Variants in PTPRO observed in about 807,000 individuals in gnomAD.
The protein encoded by PTPRO is protein tyrosine phosphatase receptor type O, also known as receptor-type tyrosine-protein phosphatase O.
In PTPRO, 62 loss-of-function variants were observed where a neutral mutation model predicts 145.2. That is an observed-to-expected ratio of 0.43 (90% CI 0.35 to 0.53). PTPRO has a LOEUF of 0.53. PTPRO is among the 20% of genes least tolerant of loss of function. The pLI is 0.01. For synonymous variants in PTPRO, 565 were observed against 514.7 expected (o/e 1.10, Z -1.32); for missense variants, 1,345 against 1,482.7 (o/e 0.91, Z 1.53).
intron 6 of PTPRO, among the ~76,000 whole-genome samples, chr12:15,506,015 C>T (rs1428793369): frequency 1.3e-5 from 2 of 152,066 alleles, no homozygotes; most frequent in African/African-American, 4.8e-5. Context: ...CAGTGACTTC[C>T]CCAAGTGTCA....
chr12:15,459,651 T>C (rs531615970), intron 1 of PTPRO, among the ~76,000 whole-genome samples: 2 of 152,340 alleles, frequency 1.3e-5, no homozygotes, highest in South Asian at 4.1e-4. Flanking sequence ...ACTGGGTTTA[T>C]GATGGGAACG....
At chr12:15,338,815 AG>A (rs1866862384) in intron 1 of PTPRO, among the ~76,000 whole-genome samples, 2 of 152,194 alleles carry the variant, frequency 1.3e-5, no homozygotes, top group Admixed American at 1.3e-4. Flanking sequence ...GTAGAGGAAA[AG>A]AATGGATGAA....
intron 1 of PTPRO, among the ~76,000 whole-genome samples, chr12:15,356,391 C>T (rs1937989483): frequency 6.6e-6 from 1 of 152,080 alleles, no homozygotes; most frequent in African/African-American, 2.4e-5. Flanking sequence ...ATTTTTTTCC[C>T]TAGATGCTCT....
chr12:15,570,640 T>C (rs750406561), intron 19 of PTPRO, among the ~76,000 whole-genome samples: 3 of 152,192 alleles, frequency 2.0e-5, no homozygotes, highest in Non-Finnish European at 4.4e-5. Context: ...TCAAAGAAAT[T>C]CAATTTGAAT....
intron 2 of PTPRO, among the ~76,000 whole-genome samples, chr12:15,488,008 T>A (rs1941925669): frequency 6.6e-6 from 1 of 152,262 alleles, no homozygotes; most frequent in South Asian, 2.1e-4. Flanking sequence ...TGAAATAGTG[T>A]GTCGCCTCTC....
At chr12:15,547,259 T>C (rs1263763884) in intron 13 of PTPRO, among the ~76,000 whole-genome samples, 1 of 152,198 alleles carries the variant, frequency 6.6e-6, no homozygotes, top group Non-Finnish European at 1.5e-5. Flanking sequence ...AGAAGGTTAT[T>C]GCTAAAGCTC....
At position 15,550,095 on chromosome 12, in the gene PTPRO, T is replaced by A. The variant is rs1191708866; in HGVS notation, c.2437+869T>A. Among the ~76,000 whole-genome samples the A allele has an allele frequency of 3.3e-5, 5 of 152,288 alleles. No individual in the cohort carries two copies. In the East Asian group the frequency reaches 5.8e-4, roughly 18 times the overall value. The stretch of plus-strand genomic sequence containing the variant: ...GTGCCAACCTCTGCATAGTTGAAAA[T>A]CCATGTATAATTTTTGACTCCCTCA... On this transcript the variant is annotated intron_variant, in intron 14 of 26. Coordinates refer to ENST00000281171, the MANE Select transcript of PTPRO (RefSeq NM_030667.3).
chr12:15,561,333 A>T (rs2135587029), intron 17 of PTPRO, among the ~76,000 whole-genome samples: 1 of 152,268 alleles, frequency 6.6e-6, no homozygotes, highest in Non-Finnish European at 1.5e-5. Flanking sequence ...AATGTTCTCC[A>T]GCTCCTCCAA....
chr12:15,415,151 A>AT (rs1939911923), intron 1 of PTPRO, among the ~76,000 whole-genome samples: 1 of 152,170 alleles, frequency 6.6e-6, no homozygotes, highest in Non-Finnish European at 1.5e-5. Context: ...CACGCGTCAC[A>AT]TGAGAACACC....
intron 1 of PTPRO, among the ~76,000 whole-genome samples, chr12:15,437,623 G>C (rs1177659441): frequency 7.3e-5 from 11 of 151,520 alleles, no homozygotes; most frequent in African/African-American, 2.7e-4. Flanking sequence ...TGGCAACCTG[G>C]GTTGCACAAC....
intron 2 of PTPRO, among the ~76,000 whole-genome samples, chr12:15,490,354 C>T (rs1301769177): frequency 6.6e-6 from 1 of 152,130 alleles, no homozygotes; most frequent in Non-Finnish European, 1.5e-5. Context: ...GCCATACAGA[C>T]TATATTGCAA....
At chr12:15,573,194 C>G (rs766825642) in intron 19 of PTPRO, among the ~76,000 whole-genome samples, 2 of 152,036 alleles carry the variant, frequency 1.3e-5, no homozygotes, top group Non-Finnish European at 2.9e-5. Flanking sequence ...GGCTGGAGAT[C>G]CAAGGAAAAG....
chr12:15,458,250 T>C (rs771777570), intron 1 of PTPRO, among the ~76,000 whole-genome samples: 10 of 152,150 alleles, frequency 6.6e-5, no homozygotes, highest in Non-Finnish European at 1.2e-4. Flanking sequence ...TCCCTGTATG[T>C]GATAAGTCAT....
At position 15,502,021 on chromosome 12, in the gene PTPRO, C is replaced by T. The variant is rs151097005; in HGVS notation, c.1063C>T (p.Pro355Ser). 20 of 1,613,910 alleles carry T rather than the reference C, an allele frequency of 1.2e-5. No individual in the cohort carries two copies. The highest frequency in any genetic ancestry group is 1.7e-5 in the Non-Finnish European group (20 of 1,179,842). ...ATTGACCTGGTTACCACCCAAACCA[C>T]CCACTGCTTTTGATGGGTTCCATAT... Reference protein sequence around the residue: ...MILTWLPPKPPTAFDGFHIHI... With the variant: ...MILTWLPPKPSTAFDGFHIHI... Residue 355 changes from proline to serine, a missense_variant, in exon 5 of 27, where the codon CCC becomes TCC. Physicochemically the swap from Pro to Ser is moderately conservative, Grantham distance 74. Transcript: ENST00000281171.
intron 1 of PTPRO, among the ~76,000 whole-genome samples, chr12:15,436,950 A>G (rs2136350929): frequency 6.6e-6 from 1 of 152,110 alleles, no homozygotes; most frequent in East Asian, 2.0e-4. Context: ...TCTGGAACTG[A>G]TCTGTGTGTG....
At chr12:15,454,779 AT>A (rs931534929) in intron 1 of PTPRO, among the ~76,000 whole-genome samples, 1 of 151,984 alleles carries the variant, frequency 6.6e-6, no homozygotes, top group African/African-American at 2.4e-5. Context: ...TAAGGGTCCA[AT>A]TTCATTGTTT....
intron 1 of PTPRO, among the ~76,000 whole-genome samples, chr12:15,460,053 G>C (rs558801912): frequency 6.6e-4 from 100 of 152,242 alleles, no homozygotes; most frequent in Non-Finnish European, 1.1e-3. Context: ...ACATTGGATG[G>C]ACAGCAAATT....
chr12:15,415,533 T>C (rs112162092), intron 1 of PTPRO, among the ~76,000 whole-genome samples: 28,538 of 151,592 alleles, frequency 0.19, 3,363 homozygotes, highest in Admixed American at 0.31. Context: ...TACAGGCACC[T>C]GCCACCACAC....
chr12:15,588,668 G>A (rs1944480674), intron 24 of PTPRO, among the ~76,000 whole-genome samples: 1 of 152,188 alleles, frequency 6.6e-6, no homozygotes, highest in Non-Finnish European at 1.5e-5. Context: ...ACTTAGGGTT[G>A]AAGATACACA....
Sources: gnomAD v4.1 joint callset for allele counts (sites outside exome capture counted in the v4.1 genomes callset) on GRCh38, gnomAD v4.1.1 for gene constraint, MANE v1.5 for transcripts, NCBI Gene and HGNC (gene_info 2026-07-23, HGNC 2026-07-21) for gene names.